The following TUSC3 variants were observed in gnomAD, a reference collection of about 807,000 sequenced individuals.
TUSC3 encodes dolichyl-diphosphooligosaccharide--protein glycosyltransferase subunit TUSC3.
In TUSC3, 45 loss-of-function variants were observed where a neutral mutation model predicts 44.8. That is an observed-to-expected ratio of 1.00 (90% confidence interval 0.79 to 1.29). The LOEUF is 1.29. Ranked by LOEUF, TUSC3 falls within the 50% of genes most tolerant of loss-of-function variation. TUSC3 has a pLI of 0.00. For synonymous variants in TUSC3, 212 were observed against 152.9 expected, an observed-to-expected ratio of 1.39 and a Z score of -2.85; for missense variants, 519 against 437.9, an observed-to-expected ratio of 1.19 and a Z score of -1.65.
chr8:15,713,301 A>T (rs554233315), intron 6 of TUSC3, among the ~76,000 whole-genome samples: 1 of 152,188 alleles, frequency 6.6e-6, no homozygotes, highest in Non-Finnish European at 1.5e-5. Flanking sequence ...GTAAGTATAT[A>T]TAATACATGT....
chr8:15,471,329 A>G (rs145569259), intron 1 of TUSC3, among the ~76,000 whole-genome samples: 15 of 152,090 alleles, frequency 9.9e-5, no homozygotes, highest in Admixed American at 8.5e-4. Flanking sequence ...TAGAAACTTC[A>G]CTCTTGTTAA....
intron 1 of TUSC3, among the ~76,000 whole-genome samples, chr8:15,543,112 C>T (rs139975551): frequency 1.3e-5 from 2 of 152,234 alleles, no homozygotes; most frequent in Non-Finnish European, 2.9e-5. Flanking sequence ...AGTGATAGCC[C>T]AGGGTTATTT....
intron 6 of TUSC3, among the ~76,000 whole-genome samples, chr8:15,729,458 C>T (rs974129302): frequency 6.6e-6 from 1 of 152,000 alleles, no homozygotes; most frequent in African/African-American, 2.4e-5. Context: ...GTAATAACTA[C>T]TTTATGTGAT....
At chr8:15,527,376 C>A (rs1028887248) in intron 2 of TUSC3, among the ~76,000 whole-genome samples, 14 of 152,034 alleles carry the variant, frequency 9.2e-5, no homozygotes, top group African/African-American at 3.1e-4. Context: ...GGCACCACAC[C>A]CAGCTAATTT....
chr8:15,445,768 C>G (rs954705831), intron 1 of TUSC3, among the ~76,000 whole-genome samples: 4 of 152,352 alleles, frequency 2.6e-5, no homozygotes, highest in Admixed American at 6.5e-5. Context: ...TACCACATTT[C>G]CCCCTTTTCT....
intron 1 of TUSC3, among the ~76,000 whole-genome samples, chr8:15,609,752 T>TAAA (rs140799021): frequency 6.7e-4 from 101 of 151,004 alleles, no homozygotes; most frequent in African/African-American, 1.7e-3. Flanking sequence ...CAACAAACAT[T>TAAA]TAAAAAAAAA....
At position 15,662,159 on chromosome 8, in the gene TUSC3, C is replaced by T; in HGVS notation, c.571C>T (p.Arg191Trp). The T allele has an allele frequency of 6.8e-6, 11 of 1,612,448 alleles. No homozygotes were observed. Among genetic ancestry groups the T allele is most frequent in the East Asian group, 2.2e-5 (1 of 44,820 alleles). ...WIADRTDVHI[R>W]VFRPPNYSGT... ...AATTTCTATTGCATTTTTGCAGATT[C>T]GGGTTTTCAGACCACCCAACTACTC... Residue 191 changes from arginine to tryptophan, a missense_variant, in exon 5 of 11, where the codon CGG becomes TGG. Coordinates refer to ENST00000503731, the MANE Select transcript of TUSC3 (RefSeq NM_006765.4).
At chr8:15,609,397 G>T (rs1804666249) in intron 1 of TUSC3, among the ~76,000 whole-genome samples, 1 of 152,154 alleles carries the variant, frequency 6.6e-6, no homozygotes, top group South Asian at 2.1e-4. Context: ...AGAGAGGCAG[G>T]CCAGATGGCT....
At chr8:15,491,715 C>G (rs966673512) in intron 2 of TUSC3, among the ~76,000 whole-genome samples, 1 of 152,124 alleles carries the variant, frequency 6.6e-6, no homozygotes, top group Admixed American at 6.5e-5. Flanking sequence ...CATCTGGGAA[C>G]CTTGTACGAT....
Position 15,764,328 on chromosome 8 carries a change from G to C in TUSC3, c.*172G>C, listed in dbSNP as rs1404413755. On this transcript the variant is annotated 3_prime_UTR_variant, in exon 11 of 11. Coordinates refer to ENST00000503731, the MANE Select transcript of TUSC3 (RefSeq NM_006765.4). ...CATTGTGATCAGCTAGCTTATTCTT[G>C]TGTACTTTTTTTAAACTGTGGGTTT... 1.6e-6 allele frequency: 2 copies of C among 1,218,424 alleles called. No homozygotes were observed. Among genetic ancestry groups the C allele is most frequent in the Non-Finnish European group, 2.3e-6 (2 of 858,270 alleles). The allele number at this position is 1,218,424 out of a possible 1,614,324, so 75.5% of individuals were successfully genotyped here.
At chr8:15,810,450 C>A in the TUSC3 span, among the ~76,000 whole-genome samples, 1 of 151,990 alleles carries the variant, frequency 6.6e-6, no homozygotes, top group African/African-American at 2.4e-5. Context: ...GCAGCCTGGG[C>A]AACATAGGGA....
At chr8:15,730,431 G>A (rs1008648183) in intron 6 of TUSC3, among the ~76,000 whole-genome samples, 14 of 151,956 alleles carry the variant, frequency 9.2e-5, no homozygotes, top group African/African-American at 3.4e-4. Context: ...GTTATATTAA[G>A]TTTGCTTTTG....
upstream of TUSC3, among the ~76,000 whole-genome samples, chr8:15,538,648 A>C (rs1801569220): frequency 6.6e-6 from 1 of 152,250 alleles, no homozygotes; most frequent in South Asian, 2.1e-4. Context: ...TGTATTGAAA[A>C]AATCGTAACT....
At chr8:15,590,599 A>C (rs1803788311) in intron 1 of TUSC3, among the ~76,000 whole-genome samples, 1 of 151,970 alleles carries the variant, frequency 6.6e-6, no homozygotes, top group South Asian at 2.1e-4. Flanking sequence ...ATGTTGCTCT[A>C]TGTGGGGGAT....
intron 2 of TUSC3, among the ~76,000 whole-genome samples, chr8:15,503,095 C>T (rs959577508): frequency 6.6e-6 from 1 of 152,034 alleles, no homozygotes; most frequent in Non-Finnish European, 1.5e-5. Flanking sequence ...GTCTTAAATC[C>T]CCAGAACCTC....
chr8:15,542,312 A>G (rs545939083), intron 1 of TUSC3, among the ~76,000 whole-genome samples: 12 of 152,150 alleles, frequency 7.9e-5, no homozygotes, highest in African/African-American at 2.9e-4. Context: ...TCCAGGTGGC[A>G]GACTTCAGAG....
the TUSC3 span, among the ~76,000 whole-genome samples, chr8:15,841,809 G>C: frequency 6.6e-6 from 1 of 152,082 alleles, no homozygotes; most frequent in African/African-American, 2.4e-5. Flanking sequence ...CCACCACACC[G>C]GGCCTAAAAA....
intron 2 of TUSC3, among the ~76,000 whole-genome samples, chr8:15,623,785 T>G (rs2129164861): frequency 6.6e-6 from 1 of 152,298 alleles, no homozygotes; most frequent in Admixed American, 6.5e-5. Context: ...TTGAAATTTT[T>G]ATTTTGAAAT....
At chr8:15,472,046 T>C (rs922509585) in intron 1 of TUSC3, among the ~76,000 whole-genome samples, 1 of 152,174 alleles carries the variant, frequency 6.6e-6, no homozygotes, top group Non-Finnish European at 1.5e-5. Flanking sequence ...ATAACCAAAA[T>C]ATTTCTAATT....
Sources: allele counts gnomAD v4.1 joint callset (sites outside exome capture counted in the v4.1 genomes callset), GRCh38; gene constraint gnomAD v4.1.1; transcripts MANE v1.5; gene names NCBI Gene and HGNC (gene_info 2026-07-23, HGNC 2026-07-21).